The following P2RY6 variants were observed in gnomAD, a reference collection of about 807,000 sequenced individuals.
P2RY6 encodes P2Y purinoceptor 6.
Under a neutral mutation model 16.3 loss-of-function variants are expected in P2RY6, and 19 were observed. That is an observed-to-expected ratio of 1.16 (90% CI 0.81 to 1.71). The LOEUF (loss-of-function observed/expected upper bound fraction) is 1.71. P2RY6 is among the 40% of genes most tolerant of loss of function. The pLI, the probability that P2RY6 is intolerant of heterozygous loss-of-function variation, is 0.00. For missense variants in P2RY6, 389 were observed against 455.5 expected, an observed-to-expected ratio of 0.85 and a Z score of 1.33; for synonymous variants, 184 against 201.5, an observed-to-expected ratio of 0.91 and a Z score of 0.74.
chr11:73,281,997 G>A (rs1317002512), intron 1 of P2RY6, among the ~76,000 whole-genome samples: 1 of 152,192 alleles, frequency 6.6e-6, no homozygotes, highest in Non-Finnish European at 1.5e-5. Flanking sequence ...GAGATGGGAG[G>A]CTCCCCACCA....
chr11:73,283,835 A>C (rs1400641842), intron 1 of P2RY6, among the ~76,000 whole-genome samples: 1 of 152,086 alleles, frequency 6.6e-6, no homozygotes, highest in Non-Finnish European at 1.5e-5. Context: ...GTCAAGGAAG[A>C]CATTTTGCTC....
chr11:73,273,142 G>A (rs908498862), intron 1 of P2RY6, among the ~76,000 whole-genome samples: 11 of 151,634 alleles, frequency 7.3e-5, no homozygotes, highest in South Asian at 2.1e-4. Context: ...TGTTAAGGGT[G>A]AAAGGGCCTA....
At position 73,297,115 on chromosome 11, in the gene P2RY6, C is replaced by A. The variant is rs776435707; in HGVS notation, c.597C>A (p.Ile199=). 2.5e-6 allele frequency: 4 copies of A among 1,604,188 alleles called. No individual in the cohort carries two copies. The Admixed American group carries it at 6.7e-5, about 27-fold the overall frequency. The change falls in exon 3 of 3, where the codon ATC becomes ATA. Residue 199 remains isoleucine (I), a synonymous_variant. Coordinates refer to ENST00000540124, the MANE Select transcript of P2RY6 (RefSeq NM_001277204.2). The part of the protein sequence containing the change: ...YMPYGMALTV[I]GFLLPFAALL... The stretch of plus-strand genomic sequence containing the variant: ...CCTATGGCATGGCTCTCACTGTCAT[C>A]GGCTTCCTGCTGCCCTTTGCTGCCC...
intron 1 of P2RY6, among the ~76,000 whole-genome samples, chr11:73,287,802 G>T (rs80157288): frequency 0.017 from 2,643 of 152,368 alleles, 29 homozygotes; most frequent in South Asian, 0.035. Flanking sequence ...AGCTCCAGGG[G>T]AGAGTTTTTT....
chr11:73,297,382 G>T lies in P2RY6; in HGVS notation c.864G>T (p.Pro288=), dbSNP rs769079087. 6.2e-7 allele frequency: 1 copy of T among 1,612,208 alleles called. No individual in the cohort carries two copies. The highest frequency in any genetic ancestry group is 8.5e-7 in the Non-Finnish European group (1 of 1,180,034). Residue 288 remains proline, a synonymous_variant, in exon 3 of 3, where the codon CCG becomes CCT. Transcript: ENST00000540124. The part of the protein sequence containing the change: ...AFAAAYKGTR[P]FASANSVLDP... ...CAGCGGCCTACAAAGGCACGCGGCC[G>T]TTTGCCAGTGCCAACAGCGTGCTGG...
At chr11:73,274,861 T>C (rs1863470092) in intron 1 of P2RY6, among the ~76,000 whole-genome samples, 2 of 152,206 alleles carry the variant, frequency 1.3e-5, no homozygotes, top group Admixed American at 6.5e-5. Flanking sequence ...CTTGGGACCA[T>C]TTCCCCATTT....
intron 1 of P2RY6, among the ~76,000 whole-genome samples, chr11:73,287,496 A>G (rs1864015380): frequency 6.6e-6 from 1 of 152,234 alleles, no homozygotes; most frequent in Non-Finnish European, 1.5e-5. Context: ...CGTCGTCATC[A>G]TAAGAGGGGG....
intron 1 of P2RY6, among the ~76,000 whole-genome samples, chr11:73,290,239 A>G (rs1213657874): frequency 1.3e-5 from 2 of 151,318 alleles, no homozygotes. Flanking sequence ...AAAGAAAGAA[A>G]GAGAGAGTCA....
At chr11:73,266,309 C>T (rs1318031998) in intron 1 of P2RY6, among the ~76,000 whole-genome samples, 2 of 152,110 alleles carry the variant, frequency 1.3e-5, no homozygotes, top group Non-Finnish European at 2.9e-5. Context: ...GGGAGAAATG[C>T]AGGGGCAGCC....
At chr11:73,296,436 TGGG>T (rs942824618) in intron 2 of P2RY6, 46 bp from the exon 3 acceptor site, 1 of 1,529,492 alleles carries the variant, frequency 6.5e-7, no homozygotes, top group African/African-American at 1.4e-5. Flanking sequence ...CAGGGCCTGC[TGGG>T]TGGTGAGTGA....
At chr11:73,267,252 A>G (rs1388799569) in intron 1 of P2RY6, among the ~76,000 whole-genome samples, 1 of 152,204 alleles carries the variant, frequency 6.6e-6, no homozygotes, top group Non-Finnish European at 1.5e-5. Flanking sequence ...GAGAAGCCCC[A>G]GAAAAGGTCT....
At chr11:73,269,481 G>A (rs1368501862), upstream of P2RY6, among the ~76,000 whole-genome samples, 3 of 152,156 alleles carry the variant, frequency 2.0e-5, no homozygotes, top group African/African-American at 4.8e-5. Context: ...TAAGGATTTC[G>A]GAGCCTGGGA....
intron 1 of P2RY6, among the ~76,000 whole-genome samples, chr11:73,289,228 G>T (rs1457184238): frequency 1.3e-5 from 2 of 152,244 alleles, no homozygotes; most frequent in Non-Finnish European, 2.9e-5. Flanking sequence ...CTGACCCCAT[G>T]GTTGTCGCCT....
intron 1 of P2RY6, among the ~76,000 whole-genome samples, chr11:73,277,795 G>A (rs970356762): frequency 1.1e-4 from 16 of 152,208 alleles, no homozygotes; most frequent in African/African-American, 3.9e-4. Context: ...ACCTGGTTTT[G>A]GCTCCAGAAG....
chr11:73,290,363 G>GAAAGAAAGA (rs762206643), intron 1 of P2RY6, among the ~76,000 whole-genome samples: 6 of 103,788 alleles, frequency 5.8e-5, no homozygotes, highest in African/African-American at 2.2e-4. Context: ...AAGAAAGAAA[G>GAAAGAAAGA]AAGGAAAGAA....
chr11:73,282,115 A>C (rs1398125851), intron 1 of P2RY6, among the ~76,000 whole-genome samples: 1 of 152,170 alleles, frequency 6.6e-6, no homozygotes, highest in African/African-American at 2.4e-5. Flanking sequence ...TCTGGCTGTC[A>C]GGGCTTGTTA....
intron 1 of P2RY6, among the ~76,000 whole-genome samples, chr11:73,286,926 C>T (rs1863994822): frequency 6.6e-6 from 1 of 152,194 alleles, no homozygotes; most frequent in Non-Finnish European, 1.5e-5. Context: ...TCAGTTTTCT[C>T]GTAGGGAAAT....
At chr11:73,267,537 T>G (rs914606776), upstream of P2RY6, among the ~76,000 whole-genome samples, 1 of 152,094 alleles carries the variant, frequency 6.6e-6, no homozygotes, top group Non-Finnish European at 1.5e-5. Context: ...GAAATGGGGC[T>G]GAAGAGACCT....
chr11:73,296,358 AGAGTAGCC>A (rs138086318), intron 2 of P2RY6, 119 bp from the exon 3 acceptor site: 71,127 of 763,256 alleles, frequency 0.093, 3,468 homozygotes, highest in Non-Finnish European at 0.11. Context: ...CGGGGTGGTT[AGAGTAGCC>A]GAGTTGACAA....
Sources: gnomAD v4.1 joint callset for allele counts (sites outside exome capture counted in the v4.1 genomes callset) on GRCh38, gnomAD v4.1.1 for gene constraint, MANE v1.5 for transcripts, NCBI Gene and HGNC (gene_info 2026-07-23, HGNC 2026-07-21) for gene names.